The following PTGER3 variants were observed in gnomAD, a reference collection of about 807,000 sequenced individuals.
The protein encoded by PTGER3 is prostaglandin E receptor 3.
A neutral mutation model predicts 34.7 loss-of-function variants in PTGER3; 22 were observed. The observed-to-expected ratio is 0.63, with a 90% CI of 0.45 to 0.91. The LOEUF (loss-of-function observed/expected upper bound fraction) is 0.91. Ranked by LOEUF, PTGER3 falls within the 40% of genes least tolerant of loss-of-function variation. The probability of loss-of-function intolerance (pLI) is 0.00; values close to 1 mark genes in which losing one functional copy is unlikely to be tolerated. For missense variants in PTGER3, 468 were observed against 519.4 expected, an observed-to-expected ratio of 0.90 and a Z score of 0.96; for synonymous variants, 241 against 230.1, an observed-to-expected ratio of 1.05 and a Z score of -0.43.
intron 2 of PTGER3, chr1:71,010,831 G>A: frequency 1.0e-6 from 1 of 984,658 alleles, no homozygotes; most frequent in Non-Finnish European, 1.2e-6. Flanking sequence ...ACATAGGCTG[G>A]TGTATATATC....
chr1:71,015,351 C>T (rs1177810577), intron 1 of PTGER3, among the ~76,000 whole-genome samples: 1 of 152,164 alleles, frequency 6.6e-6, no homozygotes. Context: ...GACATAACAT[C>T]AACACGTAGG....
intron 3 of PTGER3, among the ~76,000 whole-genome samples, chr1:70,972,249 G>A (rs1365443644): frequency 1.3e-5 from 2 of 152,100 alleles, no homozygotes; most frequent in African/African-American, 2.4e-5. Context: ...CTTGAATCTG[G>A]GAGGTGGAGG....
At chr1:70,928,809 A>C (rs2100486011) in intron 4 of PTGER3, among the ~76,000 whole-genome samples, 1 of 152,146 alleles carries the variant, frequency 6.6e-6, no homozygotes, top group Non-Finnish European at 1.5e-5. Context: ...ACACAATAGA[A>C]AATTTCAGAA....
At chr1:70,956,312 G>A (rs546681757) in intron 2 of PTGER3, among the ~76,000 whole-genome samples, 12 of 152,138 alleles carry the variant, frequency 7.9e-5, no homozygotes, top group Non-Finnish European at 1.2e-4. Flanking sequence ...AAATACCACC[G>A]TAACTGGGAA....
chr1:70,869,818 G>C (rs988707282), intron 4 of PTGER3, among the ~76,000 whole-genome samples: 1 of 152,206 alleles, frequency 6.6e-6, no homozygotes, highest in African/African-American at 2.4e-5. Context: ...TAGCTTCGCA[G>C]GGTTCGGTCC....
At chr1:70,868,501 A>T (rs1161091639) in intron 4 of PTGER3, among the ~76,000 whole-genome samples, 1 of 152,190 alleles carries the variant, frequency 6.6e-6, no homozygotes, top group Non-Finnish European at 1.5e-5. Flanking sequence ...ATGTACAAAT[A>T]GAACATAGAA....
At chr1:70,998,710 T>G (rs141515633) in intron 2 of PTGER3, among the ~76,000 whole-genome samples, 1,602 of 152,326 alleles carry the variant, frequency 0.011, 40 homozygotes, top group African/African-American at 0.037. Context: ...ATTTCTCAAA[T>G]ACATCACAGT....
chr1:70,997,627 TGAGTA>T (rs1161371881), intron 2 of PTGER3, among the ~76,000 whole-genome samples: 1 of 152,230 alleles, frequency 6.6e-6, no homozygotes, highest in African/African-American at 2.4e-5. Flanking sequence ...TGCTGTTTTA[TGAGTA>T]GTTTTCCAAA....
At chr1:71,033,375 A>G (rs1275009338) in intron 1 of PTGER3, among the ~76,000 whole-genome samples, 2 of 152,204 alleles carry the variant, frequency 1.3e-5, no homozygotes, top group Non-Finnish European at 2.9e-5. Context: ...CTGTTCCCAC[A>G]CATACCTTTC....
At chr1:71,015,484 T>C (rs191506020) in intron 1 of PTGER3, among the ~76,000 whole-genome samples, 1 of 152,356 alleles carries the variant, frequency 6.6e-6, no homozygotes, top group East Asian at 1.9e-4. Context: ...TTTCTATTCT[T>C]GTTGGCAAAA....
intron 4 of PTGER3, among the ~76,000 whole-genome samples, chr1:70,863,093 AGAGATGAT>A (rs1423722362): frequency 5.9e-5 from 9 of 152,012 alleles, no homozygotes; most frequent in Non-Finnish European, 1.3e-4. Flanking sequence ...TCTTAGAGAA[AGAGATGAT>A]GGGCCATAAC....
At chr1:70,886,218 C>A in intron 4 of PTGER3, 1 of 399,216 alleles carries the variant, frequency 2.5e-6, no homozygotes, top group Non-Finnish European at 5.1e-6. Flanking sequence ...TCTGTTTTCT[C>A]CACCATTTGA....
intron 4 of PTGER3, among the ~76,000 whole-genome samples, chr1:70,936,162 C>T (rs185237515): frequency 6.6e-6 from 1 of 152,292 alleles, no homozygotes; most frequent in African/African-American, 2.4e-5. Flanking sequence ...CTTGGATCAG[C>T]ATCATTAACA....
At chr1:71,022,718 AAC>A (rs1658534457) in intron 1 of PTGER3, among the ~76,000 whole-genome samples, 1 of 150,838 alleles carries the variant, frequency 6.6e-6, no homozygotes, top group Non-Finnish European at 1.5e-5. Context: ...CACACACACA[AAC>A]ACACATATAC....
At chr1:70,950,104 A>T (rs1650616175), downstream of PTGER3, among the ~76,000 whole-genome samples, 1 of 152,288 alleles carries the variant, frequency 6.6e-6, no homozygotes, top group African/African-American at 2.4e-5. Context: ...GATTTGTTAG[A>T]GTTATTTCAG....
In PTGER3 at chr1:71,008,310, T is replaced by C. The variant is rs563736034; in HGVS notation, c.1077+3995A>G. Reference sequence around the variant, plus strand: ...AGAAAATGTGTGACATAAATAAATATAATACATATCTGATTGAATTATATT... The same window carrying C: ...AGAAAATGTGTGACATAAATAAATACAATACATATCTGATTGAATTATATT... On this transcript the variant is annotated intron_variant, in intron 2 of 3. Transcript: ENST00000306666. The C allele has an allele frequency of 1.4e-5, 12 of 872,930 alleles. No homozygotes were observed. The South Asian group carries it at 2.1e-4, about 15-fold the overall frequency. The allele number at this position is 872,930 out of a possible 1,614,324, so 54.1% of individuals were successfully genotyped here.
chr1:70,852,995 C>G lies in PTGER3; in HGVS notation c.*24-136G>C. The G allele has an allele frequency of 5.4e-6, 5 of 934,486 alleles. No individual in the cohort carries two copies. In the East Asian group the frequency reaches 1.2e-4, roughly 23 times the overall value. The allele number at this position is 934,486 out of a possible 1,614,324, so 57.9% of individuals were successfully genotyped here. A position where few individuals can be genotyped will look rare whatever the true frequency, so the allele number is the denominator to read the frequency against. On this transcript the variant is annotated intron_variant, in intron 4 of 4. Transcript: ENST00000370931. ...TGGTAAATCACTTACAGCAGTATAA[C>G]AAGAACAAGAACAAGAACGAAGTTG...
chr1:71,046,505 T>G (rs1660830202), intron 1 of PTGER3, among the ~76,000 whole-genome samples, 176 bp downstream of exon 1: 1 of 152,150 alleles, frequency 6.6e-6, no homozygotes, highest in African/African-American at 2.4e-5. Flanking sequence ...GCTCAGCTAG[T>G]AAGTGAGGAG....
intron 1 of PTGER3, among the ~76,000 whole-genome samples, chr1:71,031,425 G>GTATTCT (rs770281031): frequency 6.6e-6 from 1 of 152,110 alleles, no homozygotes; most frequent in Non-Finnish European, 1.5e-5. Context: ...CCGTTTCTCT[G>GTATTCT]TATTCTGGGT....
Sources: allele counts gnomAD v4.1 joint callset (sites outside exome capture counted in the v4.1 genomes callset), GRCh38; gene constraint gnomAD v4.1.1; transcripts MANE v1.5; gene names NCBI Gene and HGNC (gene_info 2026-07-23, HGNC 2026-07-21).